The following XPO1 variants were observed in gnomAD, a reference collection of about 807,000 sequenced individuals.
The protein encoded by XPO1 is exportin 1, also known as exportin-1.
In XPO1, 5 loss-of-function variants were observed where a neutral mutation model predicts 133.3. The ratio of observed to expected loss-of-function variants is 0.04; its 90% CI spans 0.02 to 0.08. The LOEUF (loss-of-function observed/expected upper bound fraction) is 0.08. XPO1 is among the 10% of genes least tolerant of loss of function. XPO1 has a pLI of 1.00. For missense variants in XPO1, 506 were observed against 1,267.5 expected (o/e 0.40, Z 9.12); for synonymous variants, 419 against 408.2 (o/e 1.03, Z -0.32).
chr2:61,522,266 A>G (rs917310526), intron 4 of XPO1, among the ~76,000 whole-genome samples: 2 of 152,272 alleles, frequency 1.3e-5, no homozygotes, highest in Middle Eastern at 3.4e-3. Context: ...TATACTGCCT[A>G]GGCTGGTATA....
chr2:61,515,468 G>A (rs931834164), intron 4 of XPO1, among the ~76,000 whole-genome samples: 2 of 152,126 alleles, frequency 1.3e-5, no homozygotes, highest in Admixed American at 6.6e-5. Flanking sequence ...AGAAGGTTCA[G>A]GATATTTTGA....
intron 23 of XPO1, among the ~76,000 whole-genome samples, chr2:61,482,042 T>A (rs958857508): frequency 3.9e-5 from 1 of 25,696 alleles, no homozygotes; most frequent in African/African-American, 2.4e-4. Flanking sequence ...GCCTTTTTTT[T>A]TTTTTTTTTT....
chr2:61,525,649 T>C, intron 3 of XPO1: 1 of 1,023,278 alleles, frequency 9.8e-7, no homozygotes, highest in Non-Finnish European at 1.2e-6. Flanking sequence ...CACTGTTATG[T>C]TACTTAAGGT....
At chr2:61,499,587 A>C (rs1697405963) in intron 7 of XPO1, 126 bp downstream of exon 7, 554 of 930,916 alleles carry the variant, frequency 6.0e-4, no homozygotes, top group Middle Eastern at 7.0e-4. Context: ...CTGCAGTTGA[A>C]AACCACTACA....
At chr2:61,483,207 G>A (rs1391044205) in intron 21 of XPO1, 116 bp from the exon 22 acceptor site, 3 of 1,144,776 alleles carry the variant, frequency 2.6e-6, no homozygotes, top group Non-Finnish European at 3.7e-6. Context: ...TTTTTGGGAT[G>A]ATGACTAATA....
chr2:61,533,037 G>A (rs951470469), intron 2 of XPO1, among the ~76,000 whole-genome samples: 5 of 152,004 alleles, frequency 3.3e-5, no homozygotes, highest in African/African-American at 1.2e-4. Flanking sequence ...AAATTAGCCA[G>A]GCATGGTGGC....
chr2:61,479,207 C>A (rs1478309660), intron 24 of XPO1, among the ~76,000 whole-genome samples: 3 of 152,156 alleles, frequency 2.0e-5, no homozygotes, highest in Admixed American at 6.6e-5. Flanking sequence ...TGGCTCACGC[C>A]TGTAATCCCA....
In XPO1 at chr2:61,485,923, G is replaced by C. The variant is rs1470551318; in HGVS notation, c.2353C>G (p.Leu785Val). 2 of 1,613,698 alleles carry C rather than the reference G, an allele frequency of 1.2e-6. No homozygotes were observed. The highest frequency in any genetic ancestry group is 1.7e-6 in the Non-Finnish European group (2 of 1,179,836). The change falls in exon 20 of 25, where the codon CTC becomes GTC. Residue 785 changes from leucine to valine, a missense_variant. This residue lies in a region of XPO1 where 203 missense variants were observed against 365.9 expected (regional missense o/e 0.55). Coordinates refer to ENST00000401558, the MANE Select transcript of XPO1 (RefSeq NM_003400.4). The stretch of plus-strand genomic sequence containing the variant: ...GGGACATTTCTCTGATAATCAATGA[G>C]AACTGCATCCAACAGAGGGGGAACA... ...NFVPPLLDAV[L>V]IDYQRNVPAA... is the part of the protein sequence containing the mutation.
intron 6 of XPO1, 93 bp from the exon 7 acceptor site, chr2:61,499,987 G>T: frequency 8.0e-7 from 1 of 1,243,424 alleles, no homozygotes; most frequent in South Asian, 1.4e-5. Context: ...AAAGGCAGGA[G>T]TAAGGATAAA....
intron 1 of XPO1, chr2:61,536,580 TTA>T (rs750117887): frequency 6.6e-6 from 1 of 152,270 alleles, no homozygotes; most frequent in African/African-American, 2.4e-5. Flanking sequence ...AGACTGCTCC[TTA>T]GGTTGTGTGG....
At position 61,482,613 on chromosome 2, in the gene XPO1, T is replaced by TTTG. The variant is rs1558626990; in HGVS notation, c.2813-75_2813-74insCAA. The TTTG allele has an allele frequency of 4.2e-4, 39 of 93,850 alleles. No homozygotes were observed. In the African/African-American group the frequency reaches 0.011, roughly 25 times the overall value. The allele number at this position is 93,850 out of a possible 1,614,324, so 5.8% of individuals were successfully genotyped here. On this transcript the variant is annotated intron_variant, in intron 22 of 24. Coordinates refer to ENST00000401558, the MANE Select transcript of XPO1 (RefSeq NM_003400.4). The stretch of plus-strand genomic sequence containing the variant: ...GATCTTAGCGTTTTTTTTTGTTTTG[T>TTTG]TTTTTTTTTTTAGACGGAGTCTCGC...
At chr2:61,507,733 C>T (rs1399480063) in intron 4 of XPO1, among the ~76,000 whole-genome samples, 3 of 151,954 alleles carry the variant, frequency 2.0e-5, no homozygotes, top group African/African-American at 7.3e-5. Flanking sequence ...CAAAAATTAG[C>T]TCAGCATGGT....
At position 61,478,733 on chromosome 2, in the gene XPO1, T is replaced by C. The variant is rs1696180913; in HGVS notation, c.*87A>G. ...ACTAGGTGACATTTTAATTTACAAA[T>C]TGGCATCATTTTGGTCGACAAATAC... On this transcript the variant is annotated 3_prime_UTR_variant, in exon 25 of 25. Transcript: ENST00000401558. The C allele has an allele frequency of 1.4e-6, 2 of 1,394,614 alleles. No individual in the cohort carries two copies. Among genetic ancestry groups the C allele is most frequent in the Non-Finnish European group, 1.9e-6 (2 of 1,035,254 alleles). 86.4% of individuals were successfully genotyped at this position (1,394,614 alleles called of 1,614,324 possible).
intron 4 of XPO1, among the ~76,000 whole-genome samples, chr2:61,509,606 A>G (rs1454293123): frequency 6.6e-6 from 1 of 152,114 alleles, no homozygotes; most frequent in African/African-American, 2.4e-5. Context: ...AGCCTGGGCA[A>G]CAAGAGCGAA....
Position 61,482,033 on chromosome 2 carries a change from C to CTTTTTTTTTTTTTTTTTTTTT in XPO1, c.2972+346_2972+347insAAAAAAAAAAAAAAAAAAAAA, listed in dbSNP as rs1491506588. ...TACAGTCATGAGCCACCGTGCGTGG[C>CTTTTTTTTTTTTTTTTTTTTT]CTTTTTTTTTTTTTTTTTTTTTTTG... is the stretch of plus-strand genomic sequence containing the variant. On this transcript the variant is annotated intron_variant, in intron 23 of 24. Coordinates refer to ENST00000401558, the MANE Select transcript of XPO1 (RefSeq NM_003400.4). Among the ~76,000 whole-genome samples, 49 of 86,826 alleles carry CTTTTTTTTTTTTTTTTTTTTT rather than the reference C, an allele frequency of 5.6e-4. 9 individuals are homozygous for CTTTTTTTTTTTTTTTTTTTTT. The highest frequency in any genetic ancestry group is 1.1e-3 in the East Asian group (3 of 2,686). The allele number at this position is 86,826 out of a possible 152,430, so 57.0% of individuals were successfully genotyped here.
chr2:61,497,090 G>T (rs973281163), intron 9 of XPO1, 83 bp from the exon 10 acceptor site: 3 of 1,494,510 alleles, frequency 2.0e-6, no homozygotes, highest in Non-Finnish European at 2.7e-6. Context: ...AAGGAAAAAG[G>T]CTTTAACAAT....
Position 61,485,930 on chromosome 2 carries a change from A to T in XPO1, c.2346T>A (p.Asp782Glu). ...VAENFVPPLLDAVLIDYQRNV... is the reference protein window; with the variant it reads ...VAENFVPPLLEAVLIDYQRNV... ...TTCTCTGATAATCAATGAGAACTGC[A>T]TCCAACAGAGGGGGAACAAAATTTT... Residue 782 changes from aspartate to glutamate, a missense_variant, in exon 20 of 25, where the codon GAT (aspartate) becomes GAA (glutamate). This residue lies in a region of XPO1 where 203 missense variants were observed against 365.9 expected (regional missense o/e 0.55). Transcript: ENST00000401558. 1 of 1,612,830 alleles carries T rather than the reference A, an allele frequency of 6.2e-7. No individual in the cohort carries two copies. Among genetic ancestry groups the T allele is most frequent in the Non-Finnish European group, 8.5e-7 (1 of 1,179,560 alleles).
chr2:61,503,984 G>T (rs1229798784), intron 4 of XPO1, among the ~76,000 whole-genome samples: 3 of 152,210 alleles, frequency 2.0e-5, no homozygotes, highest in African/African-American at 7.2e-5. Flanking sequence ...GGCGGAGGCT[G>T]CAGTGAACGG....
chr2:61,492,065 G>A lies in XPO1; in HGVS notation c.1857C>T (p.Asn619=). 6.2e-7 allele frequency: 1 copy of A among 1,614,144 alleles called. No homozygotes were observed. The highest frequency in any genetic ancestry group is 8.5e-7 in the Non-Finnish European group (1 of 1,180,038). ...GAGGCTGAAGATCACAAATAATAGTGTTAATGTTGTTCAAAATTTCATCAA... is the reference window on the plus strand; with the variant it reads ...GAGGCTGAAGATCACAAATAATAGTATTAATGTTGTTCAAAATTTCATCAA... ...PFIDEILNNI[N]TIICDLQPQQ... The change falls in exon 16 of 25, where the codon AAC becomes AAT. Residue 619 remains asparagine (N), a synonymous_variant. Transcript: ENST00000401558. This position sits in a 1 kb window ranked among gnomAD's most constrained non-coding sequence, Gnocchi z 5.6.
Sources: gnomAD v4.1 joint callset for allele counts (sites outside exome capture counted in the v4.1 genomes callset) on GRCh38, gnomAD v4.1.1 for gene constraint, gnomAD v4.1.1 regional missense constraint, Gnocchi (gnomAD v3.1) non-coding constraint, MANE v1.5 for transcripts, NCBI Gene and HGNC (gene_info 2026-07-23, HGNC 2026-07-21) for gene names.